The following MYO16 variants were observed in gnomAD, a reference collection of about 807,000 sequenced individuals.
MYO16 encodes the protein myosin XVI.
MYO16 carries 94 observed loss-of-function variants against 205.3 expected under a neutral mutation model. That is an observed-to-expected ratio of 0.46 (90% CI 0.39 to 0.54). The LOEUF (loss-of-function observed/expected upper bound fraction) is 0.54, where lower values mean the gene tolerates loss of function less well. MYO16 is among the 20% of genes least tolerant of loss of function. The pLI is 0.00. For synonymous variants in MYO16, 988 were observed against 954.0 expected (o/e 1.04, Z -0.66); for missense variants, 2,315 against 2,387.5 (o/e 0.97, Z 0.63).
intron 6 of MYO16, among the ~76,000 whole-genome samples, chr13:108,794,496 C>A (rs746115543): frequency 5.9e-5 from 9 of 152,160 alleles, no homozygotes; most frequent in Middle Eastern, 3.2e-3. Flanking sequence ...TAGGAGCATG[C>A]TTTCATTTTA....
intron 20 of MYO16, among the ~76,000 whole-genome samples, chr13:108,991,177 C>T (rs1244808261): frequency 3.5e-4 from 53 of 152,268 alleles, no homozygotes. Flanking sequence ...GAAGCAAGTT[C>T]ATGCCGACGT....
chr13:108,666,196 G>T (rs746214263), intron 2 of MYO16, 47 bp downstream of exon 2: 1 of 1,530,292 alleles, frequency 6.5e-7, no homozygotes, highest in Admixed American at 2.0e-5. Context: ...GATTTTTCAT[G>T]ATTGATTTTT....
chr13:108,785,793 T>C, intron 5 of MYO16, 50 bp downstream of exon 5: 1 of 1,179,086 alleles, frequency 8.5e-7, no homozygotes, highest in South Asian at 1.3e-5. Flanking sequence ...GGGAGAATTG[T>C]AAGTGTGTAT....
chr13:109,023,749 A>ATATATGCATATATACATATATACGTG (rs1886248613), intron 23 of MYO16, among the ~76,000 whole-genome samples: 4 of 128,566 alleles, frequency 3.1e-5, no homozygotes, highest in Non-Finnish European at 4.7e-5. Context: ...ATATATACGT[A>ATATATGCATATATACATATATACGTG]TATGTATACA....
intron 27 of MYO16, among the ~76,000 whole-genome samples, chr13:109,062,082 A>AAG (rs66647525): frequency 1.6e-5 from 2 of 127,130 alleles, no homozygotes; most frequent in Non-Finnish European, 3.5e-5. Flanking sequence ...TGGAGGGAGA[A>AAG]AGAGAGAGAG....
At chr13:108,644,536 T>C (rs1296961720) in intron 1 of MYO16, among the ~76,000 whole-genome samples, 1 of 152,208 alleles carries the variant, frequency 6.6e-6, no homozygotes, top group Non-Finnish European at 1.5e-5. Flanking sequence ...TGTTTTTTAA[T>C]GGAAGACCCA....
intron 16 of MYO16, among the ~76,000 whole-genome samples, chr13:108,914,788 A>C (rs9583308): frequency 0.066 from 10,003 of 152,150 alleles, 483 homozygotes; most frequent in Middle Eastern, 0.21. Context: ...GATTACAGGT[A>C]CATGACACCC....
intron 27 of MYO16, among the ~76,000 whole-genome samples, chr13:109,074,212 A>C (rs1430199822): frequency 6.6e-6 from 1 of 152,218 alleles, no homozygotes; most frequent in Admixed American, 6.5e-5. Flanking sequence ...CAAGATGGTA[A>C]CATCTATCAC....
chr13:109,186,226 T>C (rs1879681154), intron 34 of MYO16, among the ~76,000 whole-genome samples: 1 of 152,180 alleles, frequency 6.6e-6, no homozygotes, highest in Admixed American at 6.5e-5. Context: ...AAACTATTGA[T>C]GACCGACACA....
At chr13:109,123,799 A>C (rs888243808) in intron 29 of MYO16, among the ~76,000 whole-genome samples, 1 of 152,194 alleles carries the variant, frequency 6.6e-6, no homozygotes, top group African/African-American at 2.4e-5. Flanking sequence ...AAGTAAACAC[A>C]TCAAAGTTAA....
chr13:109,117,540 T>C (rs1875783918), intron 28 of MYO16, among the ~76,000 whole-genome samples: 1 of 149,218 alleles, frequency 6.7e-6, no homozygotes, highest in Non-Finnish European at 1.5e-5. Flanking sequence ...CACACATATA[T>C]ATATAATGGT....
chr13:109,183,230 G>A (rs1041425763), intron 34 of MYO16, among the ~76,000 whole-genome samples: 1 of 152,158 alleles, frequency 6.6e-6, no homozygotes, highest in Non-Finnish European at 1.5e-5. Context: ...CGGTGGGGGG[G>A]AATGCTGACA....
chr13:108,985,089 A>G (rs1035985451), intron 20 of MYO16, among the ~76,000 whole-genome samples: 9 of 152,232 alleles, frequency 5.9e-5, no homozygotes, highest in Admixed American at 2.0e-4. Flanking sequence ...TTCAAATACA[A>G]TGATACAGAC....
chr13:109,128,045 A>C (rs1218994202), intron 31 of MYO16, among the ~76,000 whole-genome samples: 3 of 152,250 alleles, frequency 2.0e-5, no homozygotes, highest in Non-Finnish European at 4.4e-5. Flanking sequence ...GTCTAGAAAC[A>C]GGGATGCTCA....
At chr13:109,094,557 G>A (rs1256168593) in intron 27 of MYO16, among the ~76,000 whole-genome samples, 2 of 152,016 alleles carry the variant, frequency 1.3e-5, no homozygotes, top group Admixed American at 1.3e-4. Flanking sequence ...TTAAGCTCTG[G>A]GATACATGTA....
At chr13:109,032,832 AAT>A (rs892433436) in intron 23 of MYO16, among the ~76,000 whole-genome samples, 2 of 152,178 alleles carry the variant, frequency 1.3e-5, no homozygotes, top group Admixed American at 1.3e-4. Flanking sequence ...TGTAGATTTC[AAT>A]ATCAGAAATA....
chr13:109,093,460 G>A (rs1195702726), intron 27 of MYO16, among the ~76,000 whole-genome samples: 1 of 152,124 alleles, frequency 6.6e-6, no homozygotes. Context: ...TAGTGTGGGG[G>A]ACTGGCTGAC....
intron 4 of MYO16, among the ~76,000 whole-genome samples, chr13:108,763,942 C>T (rs1171832865): frequency 2.0e-5 from 3 of 149,212 alleles, no homozygotes; most frequent in Non-Finnish European, 3.0e-5. Flanking sequence ...AGAGATTTTT[C>T]GAGAAAAAGG....
intron 1 of MYO16, among the ~76,000 whole-genome samples, chr13:108,609,178 A>C (rs893852472): frequency 6.6e-6 from 1 of 151,976 alleles, no homozygotes; most frequent in Non-Finnish European, 1.5e-5. Context: ...TTTCCTCCTC[A>C]TTCTTCTCAT....
Sources: gnomAD v4.1 joint callset for allele counts (sites outside exome capture counted in the v4.1 genomes callset) on GRCh38, gnomAD v4.1.1 for gene constraint, MANE v1.5 for transcripts, NCBI Gene and HGNC (gene_info 2026-07-23, HGNC 2026-07-21) for gene names.